KIR3DL1: variants seen among roughly 807,000 people sequenced by gnomAD.
KIR3DL1 encodes killer cell immunoglobulin like receptor, three Ig domains and long cytoplasmic tail 1.
A neutral mutation model predicts 40.3 loss-of-function variants in KIR3DL1; 50 were observed. The observed-to-expected ratio is 1.24, with a 90% CI of 0.99 to 1.57. The LOEUF (loss-of-function observed/expected upper bound fraction) is 1.57, where lower values mean the gene tolerates loss of function less well. Ranked by LOEUF, KIR3DL1 falls within the 40% of genes most tolerant of loss-of-function variation. The probability of loss-of-function intolerance (pLI) is 0.00; values close to 1 mark genes in which losing one functional copy is unlikely to be tolerated. For synonymous variants in KIR3DL1, 257 were observed against 207.2 expected, an observed-to-expected ratio of 1.24 and a Z score of -2.07; for missense variants, 661 against 559.9, an observed-to-expected ratio of 1.18 and a Z score of -1.82.
exon 3 of KIR3DL1, chr19:54,818,507 C>G (rs760164223): frequency 1.2e-6 from 2 of 1,611,262 alleles, no homozygotes; most frequent in East Asian, 4.5e-5. Context: ...GTGACCACAG[C>G]ACATGCAGGG....
intron 6 of KIR3DL1, among the ~76,000 whole-genome samples, chr19:54,826,599 C>T (rs1338008212): frequency 1.4e-5 from 2 of 147,302 alleles, no homozygotes; most frequent in East Asian, 2.0e-4. Flanking sequence ...GGATTACAGG[C>T]GTGAGCCACT....
chr19:54,825,021 G>T lies in KIR3DL1; in HGVS notation c.950-7G>T. 6.7e-7 allele frequency: 1 copy of T among 1,502,142 alleles called. No individual in the cohort carries two copies. The highest frequency in any genetic ancestry group is 1.1e-5 in the South Asian group (1 of 89,070). The allele number at this position is 1,502,142 out of a possible 1,614,324, so 93.1% of individuals were successfully genotyped here. On this transcript the variant is annotated splice_polypyrimidine_tract_variant and splice_region_variant and intron_variant, in intron 5 of 8. Coordinates refer to ENST00000391728, the Ensembl canonical transcript of KIR3DL1. ...TTTCCTCACATCTCTCCTGTCCCAT[G>T]TTCTAGGAAACCCTTCAAGTAGTTG...
chr19:54,827,715 T>A (rs2061977671), intron 6 of KIR3DL1, among the ~76,000 whole-genome samples: 1 of 150,720 alleles, frequency 6.6e-6, no homozygotes, highest in Non-Finnish European at 1.5e-5. Flanking sequence ...TATAATTACT[T>A]CTTTGATCCT....
intron 1 of KIR3DL1, 51 bp from the exon 2 acceptor site, chr19:54,817,483 G>A (rs2061408961): frequency 1.4e-6 from 2 of 1,393,838 alleles, no homozygotes; most frequent in East Asian, 2.6e-5. Context: ...GGGCAGCAGG[G>A]TGCCCTGGTT....
At chr19:54,827,057 G>A (rs62124144) in intron 6 of KIR3DL1, among the ~76,000 whole-genome samples, 18,985 of 127,934 alleles carry the variant, frequency 0.15, 1 homozygote, top group South Asian at 0.22. Context: ...GGCAATTGCC[G>A]CCCCACTGGT....
At position 54,830,220 on chromosome 19, in the gene KIR3DL1, T is replaced by C. The variant is rs1269772129; in HGVS notation, c.1280T>C (p.Leu427Ser). The C allele has an allele frequency of 2.6e-6, 4 of 1,523,242 alleles. 1 individual carries two copies. The highest frequency in any genetic ancestry group is 3.6e-6 in the Non-Finnish European group (4 of 1,122,566). 94.4% of individuals were successfully genotyped at this position (1,523,242 alleles called of 1,614,324 possible). A position where few individuals can be genotyped will look rare whatever the true frequency, so the allele number is the denominator to read the frequency against. The change falls in exon 9 of 9, where the codon TTG (leucine) becomes TCG (serine). Residue 427 changes from leucine to serine, a missense_variant. Physicochemically the swap from Leu to Ser is moderately radical, Grantham distance 145 (BLOSUM62 -2). Transcript: ENST00000391728. ...AAGACACCCCCTACAGATACCATCTTGTACACGGAACTTCCAAATGCTAAG... is the reference window on the plus strand; with the variant it reads ...AAGACACCCCCTACAGATACCATCTCGTACACGGAACTTCCAAATGCTAAG...
intron 1 of KIR3DL1, among the ~76,000 whole-genome samples, chr19:54,817,076 T>C (rs2061382439): frequency 7.4e-6 from 1 of 134,640 alleles, no homozygotes; most frequent in Admixed American, 7.5e-5. Context: ...GGGCCTGGGG[T>C]GGAGATACGG....
In KIR3DL1 at chr19:54,822,705, G is replaced by C. The variant is rs367983729; in HGVS notation, c.949+847G>C. On this transcript the variant is annotated intron_variant, in intron 5 of 8. Transcript: ENST00000391728. ...TTCCTGGCCTCTGGTGTCCACCATT[G>C]TATTCTCCACCTTCATGAGATCCAC... 5.4e-3 allele frequency among the ~76,000 whole-genome samples: 807 copies of C among 148,630 alleles called. 19 individuals are homozygous for C. Among genetic ancestry groups the C allele is most frequent in the African/African-American group, 0.019 (744 of 38,860 alleles).
At chr19:54,824,632 C>A (rs1424374458) in intron 5 of KIR3DL1, among the ~76,000 whole-genome samples, 1 of 151,264 alleles carries the variant, frequency 6.6e-6, no homozygotes, top group East Asian at 1.9e-4. Flanking sequence ...GCTGAGATTG[C>A]ACCTCTGCAC....
intron 8 of KIR3DL1, 37 bp from the exon 9 acceptor site, chr19:54,830,062 C>G (rs746914875): frequency 1.3e-6 from 2 of 1,520,662 alleles, no homozygotes; most frequent in Admixed American, 1.8e-5. Flanking sequence ...CCTCACTCAG[C>G]ATTTCCCTCC....
intron 3 of KIR3DL1, 57 bp from the exon 4 acceptor site, chr19:54,819,656 G>A: frequency 3.2e-6 from 5 of 1,555,034 alleles, no homozygotes; most frequent in Non-Finnish European, 4.4e-6. Context: ...CATTCCAGGT[G>A]CCATGGATGG....
At chr19:54,823,626 TAGCTGGGATTAC>T (rs1376138206) in intron 5 of KIR3DL1, among the ~76,000 whole-genome samples, 2 of 151,412 alleles carry the variant, frequency 1.3e-5, no homozygotes, top group Non-Finnish European at 2.9e-5. Context: ...GCCTCCAAAG[TAGCTGGGATTAC>T]AGGCATGTGC....
intron 1 of KIR3DL1, 143 bp from the exon 2 acceptor site, chr19:54,817,391 T>C (rs552017888): frequency 4.0e-6 from 3 of 743,006 alleles, no homozygotes; most frequent in East Asian, 6.4e-5. Flanking sequence ...GAGATCCTTG[T>C]TCCTGGGGGC....
intron 8 of KIR3DL1, 48 bp from the exon 9 acceptor site, chr19:54,830,051 C>A: frequency 6.6e-7 from 1 of 1,521,246 alleles, no homozygotes; most frequent in South Asian, 1.3e-5. Context: ...TGAGCACCCT[C>A]CCTCACTCAG....
intron 2 of KIR3DL1, 25 bp from the exon 3 acceptor site, chr19:54,818,290 A>C (rs1435139138): frequency 6.3e-7 from 1 of 1,585,720 alleles, no homozygotes; most frequent in Non-Finnish European, 8.6e-7. Flanking sequence ...CCTCCTCTCT[A>C]AGGCAGTGCC....
intron 2 of KIR3DL1, 123 bp downstream of exon 2, chr19:54,817,692 G>A: frequency 3.8e-6 from 3 of 795,728 alleles, no homozygotes; most frequent in Non-Finnish European, 5.9e-6. Flanking sequence ...CGGATGCTCG[G>A]CCCACATTTC....
rs2079153311 is a variant in KIR3DL1, at chr19:54,816,564, A to G, written c.34+30A>G. 11 of 1,606,842 alleles carry G rather than the reference A, an allele frequency of 6.8e-6. No homozygotes were observed. In the Admixed American group the frequency reaches 1.7e-4, roughly 25 times the overall value. ...GTCCTGGAAGGGAATCGAGGGAGGG[A>G]GTGCGGGGATGGAGATCTGGACCTG... On this transcript the variant is annotated intron_variant, in intron 1 of 8. Coordinates refer to ENST00000391728, the Ensembl canonical transcript of KIR3DL1.
chr19:54,829,215 G>C, intron 6 of KIR3DL1, 146 bp from the exon 7 acceptor site: 1 of 677,464 alleles, frequency 1.5e-6, no homozygotes, highest in Non-Finnish European at 2.5e-6. Context: ...AACTGAGAAA[G>C]CAGGAGGAAG....
intron 5 of KIR3DL1, among the ~76,000 whole-genome samples, 191 bp downstream of exon 5, chr19:54,822,049 C>CAT (rs1158304024): frequency 3.3e-5 from 5 of 151,000 alleles, no homozygotes; most frequent in East Asian, 1.9e-4. Context: ...TGGAGGCCTC[C>CAT]GATCAGGGCT....
Sources: allele counts gnomAD v4.1 joint callset (sites outside exome capture counted in the v4.1 genomes callset), GRCh38; gene constraint gnomAD v4.1.1; transcripts MANE v1.5; gene names NCBI Gene and HGNC (gene_info 2026-07-23, HGNC 2026-07-21).